MBD5: variants seen among roughly 807,000 people sequenced by gnomAD.
The protein encoded by MBD5 is methyl-CpG binding domain protein 5, also known as methyl-CpG-binding domain protein 5.
In MBD5, 13 loss-of-function variants were observed where a neutral mutation model predicts 117.3. The ratio of observed to expected loss-of-function variants is 0.11; its 90% CI spans 0.07 to 0.18. MBD5 has a LOEUF of 0.18. MBD5 is among the 10% of genes least tolerant of loss of function. MBD5 has a pLI of 1.00. For synonymous variants in MBD5, 727 were observed against 766.4 expected (o/e 0.95, Z 0.85); for missense variants, 1,879 against 2,093.8 (o/e 0.90, Z 2.00).
Position 148,510,726 on chromosome 2 carries a change from T to C in MBD5, c.5112+591T>C, listed in dbSNP as rs1200790429. Among the ~76,000 whole-genome samples the C allele has an allele frequency of 2.6e-5, 4 of 152,256 alleles. 1 individual carries two copies. Among genetic ancestry groups the C allele is most frequent in the Non-Finnish European group, 5.9e-5 (4 of 68,042 alleles). On this transcript the variant is annotated intron_variant, in intron 13 of 13. Transcript: ENST00000642680. Reference sequence around the variant, plus strand: ...ATAATTTCTTTTATTTGACCTTATGTTACAAGGTTATCTGAATCCCAACAA... The same window carrying C: ...ATAATTTCTTTTATTTGACCTTATGCTACAAGGTTATCTGAATCCCAACAA...
At chr2:148,305,069 A>AC (rs1701861035) in intron 3 of MBD5, among the ~76,000 whole-genome samples, 1 of 151,770 alleles carries the variant, frequency 6.6e-6, no homozygotes, top group Admixed American at 6.6e-5. Flanking sequence ...CGTCTCAAAA[A>AC]AAAAAAAATA....
intron 1 of MBD5, among the ~76,000 whole-genome samples, chr2:148,076,838 C>A (rs904652534): frequency 1.3e-5 from 2 of 152,192 alleles, no homozygotes; most frequent in Non-Finnish European, 2.9e-5. Context: ...ACGCATCCAT[C>A]CCTCTTCTCT....
chr2:148,429,002 A>C (rs1253081968), intron 4 of MBD5, among the ~76,000 whole-genome samples: 2 of 152,234 alleles, frequency 1.3e-5, no homozygotes, highest in African/African-American at 4.8e-5. Context: ...AATGGGATCC[A>C]ATTAAACTAA....
intron 4 of MBD5, among the ~76,000 whole-genome samples, chr2:148,349,062 C>G (rs1291901814): frequency 6.6e-6 from 1 of 151,566 alleles, no homozygotes; most frequent in Admixed American, 6.6e-5. Context: ...TTAATTTATT[C>G]TAAAAATGAA....
chr2:148,211,632 A>G (rs1352976445), intron 2 of MBD5, among the ~76,000 whole-genome samples: 1 of 152,020 alleles, frequency 6.6e-6, no homozygotes, highest in Admixed American at 6.6e-5. Flanking sequence ...TTTCCAGTGG[A>G]TCTTACAAGA....
intron 2 of MBD5, among the ~76,000 whole-genome samples, chr2:148,203,110 A>AG (rs1395362921): frequency 3.9e-5 from 6 of 151,996 alleles, no homozygotes; most frequent in African/African-American, 1.4e-4. Flanking sequence ...ATCTCAAAAA[A>AG]AAAAAAAAAA....
At chr2:148,280,621 G>C (rs1184918494) in intron 3 of MBD5, among the ~76,000 whole-genome samples, 4 of 152,062 alleles carry the variant, frequency 2.6e-5, no homozygotes, top group African/African-American at 9.7e-5. Context: ...GGTAGAGAGG[G>C]GTTTTGCCAT....
chr2:148,447,892 C>T (rs936425037), intron 4 of MBD5, among the ~76,000 whole-genome samples: 1 of 152,088 alleles, frequency 6.6e-6, no homozygotes, highest in Non-Finnish European at 1.5e-5. Context: ...GCTGGTCTTA[C>T]ATTTTGCTTA....
At chr2:148,272,914 A>C (rs1257023221) in intron 3 of MBD5, among the ~76,000 whole-genome samples, 1 of 152,174 alleles carries the variant, frequency 6.6e-6, no homozygotes, top group Admixed American at 6.5e-5. Context: ...GCTAAGGTGC[A>C]AGTATTATAA....
At chr2:148,085,794 A>T (rs777219547) in intron 1 of MBD5, among the ~76,000 whole-genome samples, 1 of 152,252 alleles carries the variant, frequency 6.6e-6, no homozygotes, top group African/African-American at 2.4e-5. Context: ...TGAACCATCC[A>T]TATAAAGACA....
At chr2:148,119,734 A>T (rs1391955189) in intron 1 of MBD5, among the ~76,000 whole-genome samples, 1 of 152,046 alleles carries the variant, frequency 6.6e-6, no homozygotes, top group African/African-American at 2.4e-5. Context: ...TCTCCAGTTT[A>T]CCCAGCAACA....
At chr2:148,482,816 TAGTC>T (rs1325184653) in intron 8 of MBD5, among the ~76,000 whole-genome samples, 1 of 152,198 alleles carries the variant, frequency 6.6e-6, no homozygotes, top group Non-Finnish European at 1.5e-5. Flanking sequence ...AGCTATTTGA[TAGTC>T]AGCAACAGCT....
intron 1 of MBD5, among the ~76,000 whole-genome samples, chr2:148,060,101 AC>A (rs1292569317): frequency 1.5e-4 from 21 of 143,438 alleles, no homozygotes; most frequent in African/African-American, 4.6e-4. Flanking sequence ...ACCGTGGGCA[AC>A]ATAGTGAAAC....
chr2:148,024,226 A>G (rs1693839787), intron 1 of MBD5, among the ~76,000 whole-genome samples: 1 of 152,228 alleles, frequency 6.6e-6, no homozygotes, highest in Non-Finnish European at 1.5e-5. Context: ...GTAATTTGTT[A>G]ATTTTTTAAA....
chr2:148,053,731 A>G (rs1023629910), intron 1 of MBD5, among the ~76,000 whole-genome samples: 6 of 152,136 alleles, frequency 3.9e-5, no homozygotes, highest in African/African-American at 1.2e-4. Flanking sequence ...TAGTTTGCTC[A>G]TGTTCATTGA....
intron 3 of MBD5, among the ~76,000 whole-genome samples, chr2:148,329,113 A>G (rs1283015411): frequency 6.6e-6 from 1 of 152,254 alleles, no homozygotes; most frequent in African/African-American, 2.4e-5. Flanking sequence ...TTAGCTGATT[A>G]TCTGACCCTT....
chr2:148,403,589 T>C (rs1704989737), intron 4 of MBD5, among the ~76,000 whole-genome samples: 1 of 152,232 alleles, frequency 6.6e-6, no homozygotes, highest in African/African-American at 2.4e-5. Context: ...TAGATTTGCT[T>C]GCAATTTTAA....
At chr2:148,085,679 C>G (rs538720414) in intron 1 of MBD5, among the ~76,000 whole-genome samples, 1 of 151,270 alleles carries the variant, frequency 6.6e-6, no homozygotes, top group Non-Finnish European at 1.5e-5. Context: ...AGCCGAGATC[C>G]CGCCACTGCA....
At chr2:148,313,548 T>C (rs1009876953) in intron 3 of MBD5, among the ~76,000 whole-genome samples, 1 of 152,180 alleles carries the variant, frequency 6.6e-6, no homozygotes, top group Non-Finnish European at 1.5e-5. Flanking sequence ...CACGAGAATT[T>C]CAAGCCAGTG....
Sources: gnomAD v4.1 joint callset for allele counts (sites outside exome capture counted in the v4.1 genomes callset) on GRCh38, gnomAD v4.1.1 for gene constraint, MANE v1.5 for transcripts, NCBI Gene and HGNC (gene_info 2026-07-23, HGNC 2026-07-21) for gene names.